Variants in KCNIP4 observed in about 807,000 individuals in gnomAD.
KCNIP4 encodes potassium voltage-gated channel interacting protein 4.
A neutral mutation model predicts 34.0 loss-of-function variants in KCNIP4; 12 were observed. The observed-to-expected ratio is 0.35, with a 90% CI of 0.23 to 0.57. The LOEUF (loss-of-function observed/expected upper bound fraction) is 0.57, where lower values mean the gene tolerates loss of function less well. Ranked by LOEUF, KCNIP4 falls within the 20% of genes least tolerant of loss-of-function variation. The pLI is 0.83. For synonymous variants in KCNIP4, 124 were observed against 102.2 expected (o/e 1.21, Z -1.29); for missense variants, 238 against 311.7 (o/e 0.76, Z 1.78).
chr4:21,153,652 C>T (rs1409670788), intron 1 of KCNIP4, among the ~76,000 whole-genome samples: 1 of 151,584 alleles, frequency 6.6e-6, no homozygotes, highest in Non-Finnish European at 1.5e-5. Flanking sequence ...ATCATAAATC[C>T]ATCTATATTT....
intron 1 of KCNIP4, among the ~76,000 whole-genome samples, chr4:21,299,938 A>C (rs761696447): frequency 3.3e-4 from 50 of 152,190 alleles, no homozygotes; most frequent in Non-Finnish European, 6.0e-4. Context: ...GGTGAGTTGA[A>C]TAAATACAAA....
chr4:21,426,760 C>T (rs1208372119), intron 1 of KCNIP4, among the ~76,000 whole-genome samples: 2 of 148,870 alleles, frequency 1.3e-5, no homozygotes, highest in South Asian at 4.3e-4. Flanking sequence ...TGGGGATAAA[C>T]ATGTAAAAAA....
At chr4:21,915,203 C>G (rs1004804647) in intron 1 of KCNIP4, among the ~76,000 whole-genome samples, 5 of 152,074 alleles carry the variant, frequency 3.3e-5, no homozygotes, top group African/African-American at 1.2e-4. Context: ...AATGGACATG[C>G]CAGTGTTACA....
chr4:21,928,108 CTATATA>C (rs144162392), intron 1 of KCNIP4, among the ~76,000 whole-genome samples: 23 of 142,666 alleles, frequency 1.6e-4, no homozygotes, highest in Non-Finnish European at 2.0e-4. Context: ...CCAGATTAGA[CTATATA>C]TATATATATA....
At chr4:21,485,793 T>C (rs957969736) in intron 1 of KCNIP4, among the ~76,000 whole-genome samples, 11 of 152,304 alleles carry the variant, frequency 7.2e-5, no homozygotes, top group African/African-American at 2.4e-4. Context: ...TTCCACCTTT[T>C]TGAAAGCAAG....
At chr4:20,906,759 C>G (rs1214801671) in intron 1 of KCNIP4, among the ~76,000 whole-genome samples, 1 of 152,186 alleles carries the variant, frequency 6.6e-6, no homozygotes, top group Non-Finnish European at 1.5e-5. Flanking sequence ...CCTACACATC[C>G]TTCCATTCCA....
At chr4:21,839,330 A>G (rs1420576286) in intron 1 of KCNIP4, among the ~76,000 whole-genome samples, 1 of 152,186 alleles carries the variant, frequency 6.6e-6, no homozygotes, top group Admixed American at 6.6e-5. Flanking sequence ...TGATGCAAAC[A>G]TAAGTCAGAT....
At chr4:21,907,219 C>T (rs1445404643) in intron 1 of KCNIP4, among the ~76,000 whole-genome samples, 1 of 152,108 alleles carries the variant, frequency 6.6e-6, no homozygotes, top group Non-Finnish European at 1.5e-5. Context: ...ATTCTCAGAG[C>T]AGTAAGTGAA....
chr4:21,064,630 A>C (rs955954849), intron 1 of KCNIP4, among the ~76,000 whole-genome samples: 2 of 152,124 alleles, frequency 1.3e-5, no homozygotes, highest in African/African-American at 4.8e-5. Context: ...AATTCATGGA[A>C]AGAACTTATA....
intron 1 of KCNIP4, among the ~76,000 whole-genome samples, chr4:21,825,671 C>T (rs1221455063): frequency 6.6e-6 from 1 of 152,108 alleles, no homozygotes; most frequent in African/African-American, 2.4e-5. Flanking sequence ...AGGAGACTTC[C>T]ACTATTTAGT....
chr4:21,574,801 C>T (rs1250601188), intron 1 of KCNIP4, among the ~76,000 whole-genome samples: 1 of 152,156 alleles, frequency 6.6e-6, no homozygotes, highest in Non-Finnish European at 1.5e-5. Flanking sequence ...AGTCTCTCTA[C>T]TACTCTTGTT....
intron 1 of KCNIP4, among the ~76,000 whole-genome samples, chr4:21,221,285 A>C (rs1243981667): frequency 6.6e-6 from 1 of 152,178 alleles, no homozygotes; most frequent in Non-Finnish European, 1.5e-5. Context: ...TAGTTGTAGC[A>C]GGGAGGAATG....
intron 1 of KCNIP4, among the ~76,000 whole-genome samples, chr4:21,642,020 T>C (rs1474121748): frequency 6.6e-6 from 1 of 152,194 alleles, no homozygotes; most frequent in Non-Finnish European, 1.5e-5. Flanking sequence ...AGTTACTTAC[T>C]CTGGATATTG....
chr4:21,320,095 A>G (rs1408482853), intron 1 of KCNIP4, among the ~76,000 whole-genome samples: 3 of 152,248 alleles, frequency 2.0e-5, no homozygotes, highest in Non-Finnish European at 4.4e-5. Flanking sequence ...CATCATTTCT[A>G]CAGTTAACCT....
intron 1 of KCNIP4, among the ~76,000 whole-genome samples, chr4:21,126,838 CT>C (rs1266660880): frequency 6.6e-6 from 1 of 152,096 alleles, no homozygotes; most frequent in Non-Finnish European, 1.5e-5. Flanking sequence ...CTGAACAATT[CT>C]TTCTAATGAA....
At chr4:21,697,607 T>C (rs1417306248) in intron 1 of KCNIP4, 1 of 1,357,640 alleles carries the variant, frequency 7.4e-7, no homozygotes, top group African/African-American at 1.5e-5. Context: ...GAAATTCCTT[T>C]AAAATGCTAG....
intron 1 of KCNIP4, among the ~76,000 whole-genome samples, chr4:21,720,067 A>AAG (rs34009638): frequency 2.3e-5 from 2 of 85,548 alleles, no homozygotes; most frequent in South Asian, 1.1e-3. Flanking sequence ...GAAGAAGAAG[A>AAG]AAAAAAAAAC....
rs543283009 is a variant in KCNIP4 at position 21,799,280 on chromosome 4, G to A, written c.61+149291C>T. 1.5e-4 allele frequency among the ~76,000 whole-genome samples: 23 copies of A among 152,258 alleles called. No homozygotes were observed. The South Asian group carries it at 4.8e-3, about 32-fold the overall frequency. On this transcript the variant is annotated intron_variant, in intron 1 of 8. Coordinates refer to ENST00000382152, the MANE Select transcript of KCNIP4 (RefSeq NM_025221.6). ...TGAGGTAACTGAGATTTAGAGAGGT[G>A]AACTTATGTGGCTGAGGTCTATTAT...
chr4:21,501,471 G>A (rs1211429223), intron 1 of KCNIP4, among the ~76,000 whole-genome samples: 1 of 152,004 alleles, frequency 6.6e-6, no homozygotes, highest in Non-Finnish European at 1.5e-5. Context: ...TCTCATTCAT[G>A]TTTAAGATGT....
Sources: allele counts gnomAD v4.1 joint callset (sites outside exome capture counted in the v4.1 genomes callset), GRCh38; gene constraint gnomAD v4.1.1; transcripts MANE v1.5; gene names NCBI Gene and HGNC (gene_info 2026-07-23, HGNC 2026-07-21).